Variants in NRXN1 observed in about 807,000 individuals in gnomAD.
NRXN1 encodes neurexin 1.
NRXN1 carries 39 observed loss-of-function variants against 150.9 expected under a neutral mutation model. The observed-to-expected ratio is 0.26, with a 90% CI of 0.20 to 0.34. NRXN1 has a LOEUF of 0.34. Among genes scored for constraint, NRXN1 ranks in the 10% least tolerant of loss-of-function variants. The pLI is 1.00. For missense variants in NRXN1, 1,815 were observed against 1,949.9 expected (o/e 0.93, Z 1.30); for synonymous variants, 924 against 757.0 (o/e 1.22, Z -3.62).
intron 5 of NRXN1, among the ~76,000 whole-genome samples, chr2:50,625,213 C>T (rs1230507536): frequency 6.6e-6 from 1 of 152,024 alleles, no homozygotes; most frequent in Non-Finnish European, 1.5e-5. Flanking sequence ...GCTCAAATCG[C>T]TTTCAACGCA....
intron 18 of NRXN1, among the ~76,000 whole-genome samples, chr2:50,147,137 A>C (rs972847): frequency 1.3e-5 from 2 of 151,478 alleles, no homozygotes; most frequent in East Asian, 3.9e-4. Context: ...ATCTGGGATC[A>C]TCAGGAGGTC....
chr2:50,372,168 G>A (rs991285710), intron 17 of NRXN1, among the ~76,000 whole-genome samples: 2 of 152,000 alleles, frequency 1.3e-5, no homozygotes, highest in African/African-American at 4.8e-5. Context: ...CTCAAACTTA[G>A]AGCTGGAAGA....
At chr2:50,373,628 A>AAGAAAGAAAGAG (rs2080213589) in intron 17 of NRXN1, among the ~76,000 whole-genome samples, 2 of 39,940 alleles carry the variant, frequency 5.0e-5, no homozygotes, top group Non-Finnish European at 1.2e-4. Context: ...AGAGAAAGAA[A>AAGAAAGAAAGAG]AGAAAGAAAG....
rs182287142 is a variant in NRXN1 at position 50,346,157 on chromosome 2, G to C, written c.3365-109187C>G. Among the ~76,000 whole-genome samples, 173 of 152,318 alleles carry C rather than the reference G, an allele frequency of 1.1e-3. 1 individual carries two copies. The highest frequency in any genetic ancestry group is 4.0e-3 in the African/African-American group (167 of 41,580). On this transcript the variant is annotated intron_variant, in intron 17 of 22. Transcript: ENST00000401669. This position sits in a 1 kb window ranked among gnomAD's most constrained non-coding sequence, Gnocchi z 5.0. ...AAGTAATTGGCCTCCTGTTGAGTGAGTCCCAGGACTGCTTCGCTGTCACTG... is the reference window on the plus strand; with the variant it reads ...AAGTAATTGGCCTCCTGTTGAGTGACTCCCAGGACTGCTTCGCTGTCACTG...
At chr2:50,154,761 A>G (rs2058912387) in intron 18 of NRXN1, among the ~76,000 whole-genome samples, 1 of 151,742 alleles carries the variant, frequency 6.6e-6, no homozygotes, top group Non-Finnish European at 1.5e-5. Flanking sequence ...AACTTTTATG[A>G]AGAATTTTTC....
intron 8 of NRXN1, among the ~76,000 whole-genome samples, chr2:50,608,544 TAAA>T (rs1416364757): frequency 9.9e-6 from 1 of 100,632 alleles, no homozygotes; most frequent in Non-Finnish European, 2.3e-5. Context: ...TGTCCTTGTT[TAAA>T]AATTGTTCCT....
chr2:50,448,125 A>C (rs1240481477), intron 17 of NRXN1, among the ~76,000 whole-genome samples: 1 of 152,024 alleles, frequency 6.6e-6, no homozygotes, highest in Non-Finnish European at 1.5e-5. Flanking sequence ...AAAATCTAAA[A>C]ATATAGAATG....
intron 5 of NRXN1, among the ~76,000 whole-genome samples, chr2:50,798,782 T>C (rs1707189803): frequency 6.6e-6 from 1 of 152,168 alleles, no homozygotes; most frequent in Non-Finnish European, 1.5e-5. Context: ...AGCAATAGTT[T>C]ACAAAGCCAT....
rs760895152 is a variant in NRXN1 at position 50,538,488 on chromosome 2, G to A, written c.1908C>T (p.Leu636=). 1.9e-6 allele frequency: 3 copies of A among 1,613,532 alleles called. No individual in the cohort carries two copies. Among genetic ancestry groups the A allele is most frequent in the Non-Finnish European group, 2.5e-6 (3 of 1,179,732 alleles). The change falls in exon 10 of 23, where the codon CTC becomes CTT. Residue 636 remains leucine, a synonymous_variant. Coordinates refer to ENST00000401669, the MANE Select transcript of NRXN1 (RefSeq NM_001330078.2). Reference sequence around the variant, plus strand: ...TGATGCAGCCCACGTAGCCATAGTTGAGCAGAGCAGTCCACACCTCGGTGG... The same window carrying A: ...TGATGCAGCCCACGTAGCCATAGTTAAGCAGAGCAGTCCACACCTCGGTGG... The part of the protein sequence containing the change: ...VFPTEVWTAL[L]NYGYVGCIRD...
At chr2:50,566,080 G>C (rs915769835) in intron 8 of NRXN1, among the ~76,000 whole-genome samples, 1 of 152,134 alleles carries the variant, frequency 6.6e-6, no homozygotes, top group Non-Finnish European at 1.5e-5. Flanking sequence ...CCACCTCTTG[G>C]TGGCTACATA....
At chr2:50,110,515 A>C (rs1331531019) in intron 18 of NRXN1, among the ~76,000 whole-genome samples, 1 of 151,348 alleles carries the variant, frequency 6.6e-6, no homozygotes, top group Non-Finnish European at 1.5e-5. Flanking sequence ...AAAAAAAAGA[A>C]AGAAAGAATG....
At chr2:50,197,441 T>C (rs183365873) in intron 18 of NRXN1, among the ~76,000 whole-genome samples, 63 of 152,296 alleles carry the variant, frequency 4.1e-4, no homozygotes, top group African/African-American at 1.5e-3. Flanking sequence ...GCTCGAAATG[T>C]TGATGAATCC....
chr2:51,023,259 C>G (rs1369596906), intron 2 of NRXN1, among the ~76,000 whole-genome samples: 2 of 152,112 alleles, frequency 1.3e-5, no homozygotes, highest in African/African-American at 4.8e-5. Flanking sequence ...CCATCTTCCT[C>G]CCTACCATCC....
chr2:50,314,436 C>A (rs985565582), intron 17 of NRXN1, among the ~76,000 whole-genome samples: 1 of 151,992 alleles, frequency 6.6e-6, no homozygotes, highest in Admixed American at 6.6e-5. Context: ...AAATCAGAAG[C>A]AACTCACCAC....
intron 18 of NRXN1, among the ~76,000 whole-genome samples, chr2:50,124,802 AATATAT>A (rs1704339732): frequency 6.6e-6 from 1 of 152,150 alleles, no homozygotes; most frequent in South Asian, 2.1e-4. Context: ...AAATGTTTAA[AATATAT>A]CTTTTCTTCT....
intron 17 of NRXN1, among the ~76,000 whole-genome samples, chr2:50,377,452 A>G (rs2080598000): frequency 6.6e-6 from 1 of 152,216 alleles, no homozygotes; most frequent in East Asian, 1.9e-4. Context: ...ATGGCTGCAT[A>G]GTATTCCATG....
rs540263739 is a variant in NRXN1, at chr2:50,077,294, C to T, written c.3718+14029G>A. 5.7e-4 allele frequency among the ~76,000 whole-genome samples: 87 copies of T among 152,170 alleles called. 1 individual carries two copies. Among genetic ancestry groups the T allele is most frequent in the African/African-American group, 2.0e-3 (81 of 41,512 alleles). ...TGGAATTTTGGATGAGTTCTGTTAC[C>T]TCTTCACCCCAATGCTGGCGCAACA... On this transcript the variant is annotated intron_variant, in intron 19 of 22. Coordinates refer to ENST00000401669, the MANE Select transcript of NRXN1 (RefSeq NM_001330078.2).
rs182810483 is a variant in NRXN1, at chr2:49,997,853, G to A, written c.4129-54062C>T. On this transcript the variant is annotated intron_variant, in intron 21 of 22. Transcript: ENST00000401669. ...GGAATCTGAGGAAGCTGGGCCGCCG[G>A]GGTGCAAGGGAGACTTCACATAGGG... is the stretch of plus-strand genomic sequence containing the variant. Among the ~76,000 whole-genome samples, 18 of 152,168 alleles carry A rather than the reference G, an allele frequency of 1.2e-4. No homozygotes were observed. The East Asian group carries it at 2.7e-3, about 23-fold the overall frequency.
chr2:49,962,434 A>G (rs1444752910), intron 21 of NRXN1, among the ~76,000 whole-genome samples: 1 of 152,226 alleles, frequency 6.6e-6, no homozygotes, highest in Non-Finnish European at 1.5e-5. Flanking sequence ...AACTTGCTGA[A>G]TAACTGCCTA....
Sources: allele counts gnomAD v4.1 joint callset (sites outside exome capture counted in the v4.1 genomes callset), GRCh38; gene constraint gnomAD v4.1.1; non-coding constraint Gnocchi (gnomAD v3.1); transcripts MANE v1.5; gene names NCBI Gene and HGNC (gene_info 2026-07-23, HGNC 2026-07-21).